Variants in CDH22 observed in about 807,000 individuals in gnomAD.
CDH22 encodes cadherin-22.
A neutral mutation model predicts 58.4 loss-of-function variants in CDH22; 30 were observed. The ratio of observed to expected loss-of-function variants is 0.51; its 90% CI spans 0.38 to 0.70. CDH22 has a LOEUF of 0.70. Among genes scored for constraint, CDH22 ranks in the 30% least tolerant of loss-of-function variants. CDH22 has a pLI of 0.00. For synonymous variants in CDH22, 513 were observed against 558.2 expected (o/e 0.92, Z 1.14); for missense variants, 1,014 against 1,233.9 (o/e 0.82, Z 2.67).
Position 46,216,733 on chromosome 20 carries a change from G to T in CDH22, c.838+93C>A. The T allele has an allele frequency of 8.4e-7, 1 of 1,186,356 alleles. No homozygotes were observed. 73.5% of individuals were successfully genotyped at this position (1,186,356 alleles called of 1,614,324 possible). ...GAGGGGGAAGCCCTTCTTTTGGTGG[G>T]AAGTCTAAAGGGAAGCTGGGGTCAG... On this transcript the variant is annotated intron_variant, in intron 5 of 11. Coordinates refer to ENST00000537909, the MANE Select transcript of CDH22 (RefSeq NM_021248.3). The surrounding 1 kb of genome is among the most constrained non-coding windows in gnomAD (Gnocchi z 5.3).
chr20:46,258,731 G>T (rs530064842), intron 1 of CDH22, among the ~76,000 whole-genome samples: 4 of 152,384 alleles, frequency 2.6e-5, no homozygotes, highest in African/African-American at 7.2e-5. Context: ...CCAGTTTCTG[G>T]CAGTCACCGA....
At chr20:46,182,926 C>T (rs2085799389) in intron 10 of CDH22, among the ~76,000 whole-genome samples, 2 of 152,160 alleles carry the variant, frequency 1.3e-5, no homozygotes, top group African/African-American at 4.8e-5. Flanking sequence ...AGGAGGCCTT[C>T]CACGGCTGCT....
At chr20:46,248,778 T>C (rs1028363805) in intron 2 of CDH22, among the ~76,000 whole-genome samples, 1 of 152,130 alleles carries the variant, frequency 6.6e-6, no homozygotes, top group Admixed American at 6.5e-5. Context: ...GTCACCGCAC[T>C]CCAGCCTGGG....
rs2086373497 is a variant in CDH22 at position 46,251,360 on chromosome 20, TCG to T, written c.-68_-67del. ...GAGGCACCAGGGCGCCGCTGCTTGG[TCG>T]CACAACGATGCGGCGCCGTGTCACA... is the stretch of plus-strand genomic sequence containing the variant. On this transcript the variant is annotated 5_prime_UTR_variant, in exon 2 of 12. Coordinates refer to ENST00000537909, the MANE Select transcript of CDH22 (RefSeq NM_021248.3). This position sits in a 1 kb window ranked among gnomAD's most constrained non-coding sequence, Gnocchi z 6.7. 2.2e-6 allele frequency: 3 copies of T among 1,394,476 alleles called. No individual in the cohort carries two copies. The African/African-American group carries it at 4.6e-5, about 21-fold the overall frequency. 86.4% of individuals were successfully genotyped at this position (1,394,476 alleles called of 1,614,324 possible). A position where few individuals can be genotyped will look rare whatever the true frequency, so the allele number is the denominator to read the frequency against.
chr20:46,257,033 C>G (rs2086409913), intron 1 of CDH22, among the ~76,000 whole-genome samples: 1 of 148,308 alleles, frequency 6.7e-6, no homozygotes, highest in Non-Finnish European at 1.5e-5. Flanking sequence ...AAAGGCCAGG[C>G]ATGGTGGCTC....
Position 46,217,116 on chromosome 20 carries a change from G to A in CDH22, c.671-123C>T, listed in dbSNP as rs2086091725. ...GGAAAATTAAGCTCAGGAGGAGAGT[G>A]GGCCACACAAGGACATCCACGTGTC... On this transcript the variant is annotated intron_variant, in intron 4 of 11. Transcript: ENST00000537909. The A allele has an allele frequency of 6.7e-6, 6 of 895,438 alleles. No individual in the cohort carries two copies. In the South Asian group the frequency reaches 1.0e-4, roughly 15 times the overall value. 55.5% of individuals were successfully genotyped at this position (895,438 alleles called of 1,614,324 possible).
Position 46,251,715 on chromosome 20 carries a change from A to C in CDH22, c.-399-22T>G. ...GAGCCTGCAAGAGAAACAAGAAAAC[A>C]TTAGAGGGGCTTCTGTGTAGGGGGA... On this transcript the variant is annotated intron_variant, in intron 1 of 11. Coordinates refer to ENST00000537909, the MANE Select transcript of CDH22 (RefSeq NM_021248.3). This position sits in a 1 kb window ranked among gnomAD's most constrained non-coding sequence, Gnocchi z 6.7. 6.4e-6 allele frequency: 1 copy of C among 157,228 alleles called. No homozygotes were observed. Among genetic ancestry groups the C allele is most frequent in the Non-Finnish European group, 1.4e-5 (1 of 71,672 alleles). The allele number at this position is 157,228 out of a possible 1,614,324, so 9.7% of individuals were successfully genotyped here.
At chr20:46,188,769 G>A (rs1027940202) in intron 8 of CDH22, among the ~76,000 whole-genome samples, 1 of 152,142 alleles carries the variant, frequency 6.6e-6, no homozygotes, top group Non-Finnish European at 1.5e-5. Flanking sequence ...ACCTCTGAGT[G>A]CTCACTGGTG....
intron 8 of CDH22, 130 bp from the exon 9 acceptor site, chr20:46,187,077 C>T: frequency 1.1e-6 from 1 of 887,798 alleles, no homozygotes; most frequent in Non-Finnish European, 1.7e-6. Flanking sequence ...CAAGCTGGTA[C>T]AAGGACCAGA....
intron 7 of CDH22, among the ~76,000 whole-genome samples, chr20:46,203,810 G>A (rs2085979024): frequency 6.6e-6 from 1 of 152,206 alleles, no homozygotes; most frequent in Admixed American, 6.5e-5. Flanking sequence ...AGGACAGGAG[G>A]AAGCTGTGGG....
intron 10 of CDH22, among the ~76,000 whole-genome samples, chr20:46,181,752 C>CTTTTTCTTTCT: frequency 3.8e-5 from 1 of 26,264 alleles, no homozygotes; most frequent in East Asian, 1.0e-3. Flanking sequence ...TCCTTCCTTC[C>CTTTTTCTTTCT]TTCTTTCTTT....
intron 10 of CDH22, among the ~76,000 whole-genome samples, chr20:46,184,856 C>A (rs531632267): frequency 1.3e-5 from 2 of 152,068 alleles, no homozygotes; most frequent in Non-Finnish European, 2.9e-5. Context: ...TAGGCCGAGG[C>A]GGGCAGATCA....
chr20:46,281,908 ATGTC>A (rs1295419996), intron 1 of CDH22, among the ~76,000 whole-genome samples: 1 of 152,256 alleles, frequency 6.6e-6, no homozygotes, highest in Non-Finnish European at 1.5e-5. Flanking sequence ...TCTTATATCA[ATGTC>A]TGATGCGGGT....
At chr20:46,253,217 A>G (rs1378837056) in intron 1 of CDH22, among the ~76,000 whole-genome samples, 1 of 152,222 alleles carries the variant, frequency 6.6e-6, no homozygotes, top group East Asian at 1.9e-4. Context: ...GGGAATCACA[A>G]CTCTGAAAAT....
At chr20:46,217,754 T>C (rs114173856) in intron 4 of CDH22, among the ~76,000 whole-genome samples, 166 of 151,772 alleles carry the variant, frequency 1.1e-3, no homozygotes, top group African/African-American at 3.6e-3. Context: ...CACAAACAGA[T>C]ACACTCTCAA....
intron 1 of CDH22, among the ~76,000 whole-genome samples, chr20:46,307,436 C>G (rs1256406801): frequency 6.6e-6 from 1 of 152,220 alleles, no homozygotes; most frequent in Non-Finnish European, 1.5e-5. Context: ...CCGCGGCCCC[C>G]GAGGGTTAGC....
At chr20:46,276,442 G>A (rs1034547181) in intron 1 of CDH22, among the ~76,000 whole-genome samples, 13 of 152,194 alleles carry the variant, frequency 8.5e-5, no homozygotes, top group Admixed American at 2.0e-4. Flanking sequence ...AGTCGTGGGC[G>A]ATTGATTGGA....
chr20:46,179,322 G>C (rs1308296475), intron 10 of CDH22, among the ~76,000 whole-genome samples: 1 of 152,236 alleles, frequency 6.6e-6, no homozygotes, highest in Non-Finnish European at 1.5e-5. Flanking sequence ...CTGAGAGCCA[G>C]ATCTGGGAGA....
At chr20:46,247,052 C>CA (rs950493995) in intron 2 of CDH22, among the ~76,000 whole-genome samples, 6 of 151,760 alleles carry the variant, frequency 4.0e-5, no homozygotes, top group South Asian at 2.1e-4. Flanking sequence ...AACCTTCCCC[C>CA]CCACTTAGTG....
Sources: allele counts gnomAD v4.1 joint callset (sites outside exome capture counted in the v4.1 genomes callset), GRCh38; gene constraint gnomAD v4.1.1; non-coding constraint Gnocchi (gnomAD v3.1); transcripts MANE v1.5; gene names NCBI Gene and HGNC (gene_info 2026-07-23, HGNC 2026-07-21).